Variants in CTBP2 observed in about 807,000 individuals in gnomAD.
CTBP2 encodes C-terminal-binding protein 2.
CTBP2 carries 30 observed loss-of-function variants against 80.3 expected under a neutral mutation model. That is an observed-to-expected ratio of 0.37 (90% CI 0.28 to 0.51). The LOEUF (loss-of-function observed/expected upper bound fraction) is 0.51. Ranked by LOEUF, CTBP2 falls within the 20% of genes least tolerant of loss-of-function variation. The probability of loss-of-function intolerance (pLI) is 0.93; values close to 1 mark genes in which losing one functional copy is unlikely to be tolerated. For missense variants in CTBP2, 1,212 were observed against 1,375.3 expected (o/e 0.88, Z 1.88); for synonymous variants, 594 against 587.4 (o/e 1.01, Z -0.16).
chr10:125,027,509 C>G lies in CTBP2; in HGVS notation c.251G>C (p.Gly84Ala). 6.2e-7 allele frequency: 1 copy of G among 1,614,052 alleles called. No homozygotes were observed. The highest frequency in any genetic ancestry group is 1.1e-5 in the South Asian group (1 of 91,072). ...GTAGAAGGTGAAGTCAGGAGTAGACCCCTTTCTTGCAGCCACTGAGTTATA... is the reference window on the plus strand; with the variant it reads ...GTAGAAGGTGAAGTCAGGAGTAGACGCCTTTCTTGCAGCCACTGAGTTATA... Residue 84 changes from glycine to alanine, a missense_variant, in exon 1 of 9, where the codon GGG (glycine) becomes GCG (alanine). By Grantham distance (60) the Gly-to-Ala change is moderately conservative (BLOSUM62 0). This residue lies in a region of CTBP2 where 848 missense variants were observed against 782.3 expected (regional missense o/e 1.08). Coordinates refer to ENST00000309035, the MANE Select transcript of CTBP2 (RefSeq NM_022802.3).
At chr10:125,010,785 A>C (rs1273902581) in intron 1 of CTBP2, among the ~76,000 whole-genome samples, 1 of 152,196 alleles carries the variant, frequency 6.6e-6, no homozygotes, top group East Asian at 1.9e-4. Context: ...TTAAAGCATG[A>C]AGCACACCTT....
At chr10:125,158,294 G>C (rs930979418) in intron 1 of CTBP2, among the ~76,000 whole-genome samples, 5 of 152,074 alleles carry the variant, frequency 3.3e-5, no homozygotes, top group African/African-American at 1.2e-4. Flanking sequence ...AACTGTCTTC[G>C]AACCCAAACA....
rs763220560 is a variant in CTBP2, at chr10:125,005,688, T to C, written c.1679-2196A>G. 2.4e-5 allele frequency: 38 copies of C among 1,612,842 alleles called. No homozygotes were observed. The Admixed American group carries it at 6.2e-4, about 26-fold the overall frequency. The stretch of plus-strand genomic sequence containing the variant: ...GGCTCCCACCTGGGCTCCTGTTTTC[T>C]GCTAAGAAAATGGTACAACTGCCAA... On this transcript the variant is annotated intron_variant, in intron 1 of 8. Coordinates refer to ENST00000309035, the MANE Select transcript of CTBP2 (RefSeq NM_022802.3).
At chr10:125,105,963 C>T (rs749994524) in intron 2 of CTBP2, among the ~76,000 whole-genome samples, 2 of 152,162 alleles carry the variant, frequency 1.3e-5, no homozygotes, top group African/African-American at 2.4e-5. Context: ...CTGGCCCTGC[C>T]GCTCACTCCA....
chr10:125,130,340 T>A lies in CTBP2; in HGVS notation c.-205-19247A>T, dbSNP rs1855961449. Among the ~76,000 whole-genome samples the A allele has an allele frequency of 3.3e-5, 5 of 152,124 alleles. 1 individual carries two copies. In the South Asian group the frequency reaches 1.0e-3, roughly 32 times the overall value. On this transcript the variant is annotated intron_variant, in intron 1 of 10. Transcript: ENST00000337195. The stretch of plus-strand genomic sequence containing the variant: ...CAGGGATTACAGGTGTGAGCCACCA[T>A]GCCTGGCCAGCCCACAGGACTTCTA...
At chr10:125,063,872 G>A (rs917181522) in intron 2 of CTBP2, among the ~76,000 whole-genome samples, 4 of 152,176 alleles carry the variant, frequency 2.6e-5, no homozygotes, top group South Asian at 2.1e-4. Flanking sequence ...TGGACACCCC[G>A]TGTAGGGACC....
chr10:125,027,427 G>A lies in CTBP2; in HGVS notation c.333C>T (p.Tyr111=). 2 of 1,614,118 alleles carry A rather than the reference G, an allele frequency of 1.2e-6. No individual in the cohort carries two copies. Among genetic ancestry groups the A allele is most frequent in the Non-Finnish European group, 1.7e-6 (2 of 1,180,024 alleles). The change falls in exon 1 of 9, where the codon TAC becomes TAT. Residue 111 remains tyrosine (Y), a synonymous_variant. Transcript: ENST00000309035. ...CCCTAGCAGCTCCAGACGGATCACT[G>A]TAGTACTCCCGTGGCAGCAGGGGGC...
chr10:125,145,920 ATTTT>A (rs112934983), intron 1 of CTBP2, among the ~76,000 whole-genome samples: 5 of 141,882 alleles, frequency 3.5e-5, no homozygotes, highest in Non-Finnish European at 6.2e-5. Flanking sequence ...TCCAAGTGAG[ATTTT>A]TTTTTTTTTT....
At chr10:125,085,677 T>G (rs1260130077) in intron 2 of CTBP2, among the ~76,000 whole-genome samples, 1 of 152,188 alleles carries the variant, frequency 6.6e-6, no homozygotes, top group East Asian at 1.9e-4. Context: ...CCTGTCAGCT[T>G]TAAACTGGCC....
intron 1 of CTBP2, among the ~76,000 whole-genome samples, chr10:125,124,767 A>G (rs756700711): frequency 6.6e-6 from 1 of 152,222 alleles, no homozygotes; most frequent in Non-Finnish European, 1.5e-5. Flanking sequence ...TTTCTTTTTT[A>G]AAACAAAAAC....
chr10:125,113,651 A>C (rs571400821), intron 1 of CTBP2, among the ~76,000 whole-genome samples: 1 of 152,366 alleles, frequency 6.6e-6, no homozygotes, highest in South Asian at 2.1e-4. Context: ...CTTAGCAATG[A>C]CTATAACATT....
chr10:125,076,814 A>T (rs188865533), intron 2 of CTBP2, among the ~76,000 whole-genome samples: 1 of 152,128 alleles, frequency 6.6e-6, no homozygotes, highest in Non-Finnish European at 1.5e-5. Context: ...CTGTCTACGT[A>T]TTTCCCTATT....
intron 6 of CTBP2, among the ~76,000 whole-genome samples, 172 bp from the exon 9 acceptor site, chr10:124,993,501 T>C (rs1166147108): frequency 6.6e-6 from 1 of 152,164 alleles, no homozygotes; most frequent in Non-Finnish European, 1.5e-5. Context: ...AATGTAATTA[T>C]CAAAGTTGTG....
intron 1 of CTBP2, among the ~76,000 whole-genome samples, chr10:125,021,476 C>G (rs1957031749): frequency 6.6e-6 from 1 of 152,194 alleles, no homozygotes; most frequent in Non-Finnish European, 1.5e-5. Context: ...GAAACCCAGT[C>G]TAGCCTAGCA....
intron 1 of CTBP2, chr10:125,005,694 G>A (rs373003894): frequency 1.2e-4 from 188 of 1,612,806 alleles, no homozygotes; most frequent in Admixed American, 4.8e-4. Context: ...TTTCTGCTAA[G>A]AAAATGGTAC....
intron 2 of CTBP2, among the ~76,000 whole-genome samples, chr10:125,040,640 T>A (rs934545154): frequency 2.9e-5 from 4 of 139,442 alleles, no homozygotes; most frequent in African/African-American, 1.2e-4. Context: ...AAAGTGGTTC[T>A]CAGTGATCTA....
rs1957571339 is a variant in CTBP2, at chr10:125,026,472, C to A, written c.1288G>T (p.Ala430Ser). Residue 430 changes from alanine to serine, a missense_variant, in exon 1 of 9, where the codon GCC (alanine) becomes TCC (serine). Around this residue, in one of 3 missense-constraint regions of CTBP2, gnomAD observed 848 missense variants for 782.3 expected, o/e 1.08. Transcript: ENST00000309035. ...CCGGAGTTGGAGGGGAAGTGTGGGG[C>A]ATGGGTGCCCACGCCAGGGGCAGAA... is the stretch of plus-strand genomic sequence containing the variant. The A allele has an allele frequency of 2.5e-6, 4 of 1,600,064 alleles. No homozygotes were observed. The highest frequency in any genetic ancestry group is 3.4e-6 in the Non-Finnish European group (4 of 1,170,648).
chr10:125,132,632 T>G (rs537572111), intron 1 of CTBP2, among the ~76,000 whole-genome samples: 2 of 152,322 alleles, frequency 1.3e-5, no homozygotes, highest in East Asian at 3.9e-4. Context: ...AGCACCAGTA[T>G]TCGCACATCC....
chr10:125,074,542 C>T (rs908224571), intron 2 of CTBP2, among the ~76,000 whole-genome samples: 1 of 152,096 alleles, frequency 6.6e-6, no homozygotes, highest in Non-Finnish European at 1.5e-5. Flanking sequence ...TTGGTAGAGA[C>T]GGGGTTTCAC....
Sources: allele counts gnomAD v4.1 joint callset (sites outside exome capture counted in the v4.1 genomes callset), GRCh38; gene constraint gnomAD v4.1.1; regional missense constraint gnomAD v4.1.1; transcripts MANE v1.5; gene names NCBI Gene and HGNC (gene_info 2026-07-23, HGNC 2026-07-21).